COL23A1: variants seen among roughly 807,000 people sequenced by gnomAD.
The protein encoded by COL23A1 is collagen alpha-1(XXIII) chain.
A neutral mutation model predicts 99.3 loss-of-function variants in COL23A1; 97 were observed. The observed-to-expected ratio is 0.98, with a 90% CI of 0.83 to 1.16. The LOEUF (loss-of-function observed/expected upper bound fraction) is 1.16. COL23A1 is among the 50% of genes most tolerant of loss of function. The pLI, the probability that COL23A1 is intolerant of heterozygous loss-of-function variation, is 0.00. For synonymous variants in COL23A1, 320 were observed against 308.2 expected (o/e 1.04, Z -0.40); for missense variants, 762 against 757.4 (o/e 1.01, Z -0.07).
intron 20 of COL23A1, 27 bp downstream of exon 20, chr5:178,248,165 A>AG (rs781554937): frequency 1.4e-6 from 2 of 1,479,260 alleles, no homozygotes; most frequent in South Asian, 2.4e-5. Flanking sequence ...TGTTGGGGGA[A>AG]GCCCTGACCC....
intron 2 of COL23A1, among the ~76,000 whole-genome samples, chr5:178,521,606 T>G (rs917950838): frequency 2.0e-5 from 3 of 150,990 alleles, no homozygotes; most frequent in African/African-American, 7.3e-5. Flanking sequence ...TGAGGTAAAC[T>G]GTGCATCAAT....
intron 2 of COL23A1, among the ~76,000 whole-genome samples, chr5:178,491,662 T>A (rs1339703427): frequency 6.6e-6 from 1 of 152,096 alleles, no homozygotes; most frequent in Non-Finnish European, 1.5e-5. Context: ...AGATTCCACG[T>A]CCCCTCGAAA....
intron 2 of COL23A1, among the ~76,000 whole-genome samples, chr5:178,361,747 C>T (rs917297521): frequency 2.0e-5 from 3 of 152,192 alleles, no homozygotes; most frequent in Admixed American, 6.5e-5. Flanking sequence ...CCTTGGGAAC[C>T]GCAGTCACCT....
At position 178,247,837 on chromosome 5, in the gene COL23A1, G is replaced by T; in HGVS notation, c.1213-6C>A. On this transcript the variant is annotated splice_region_variant and splice_polypyrimidine_tract_variant and intron_variant, in intron 20 of 28. Transcript: ENST00000390654. ...GGCTCCACTATGAGCTGAGCCTAGGGAGGGTGAGAGACAGGTTAGTCACCC... is the reference window on the plus strand; with the variant it reads ...GGCTCCACTATGAGCTGAGCCTAGGTAGGGTGAGAGACAGGTTAGTCACCC... 6.2e-7 allele frequency: 1 copy of T among 1,610,946 alleles called. No individual in the cohort carries two copies. The highest frequency in any genetic ancestry group is 8.5e-7 in the Non-Finnish European group (1 of 1,178,540).
At chr5:178,438,723 A>G (rs559962335) in intron 2 of COL23A1, 1 of 152,342 alleles carries the variant, frequency 6.6e-6, no homozygotes, top group South Asian at 2.1e-4. Context: ...AGGAAAAAAA[A>G]AAGATTTCTG....
At chr5:178,476,286 C>T (rs533052569) in intron 2 of COL23A1, among the ~76,000 whole-genome samples, 6 of 152,144 alleles carry the variant, frequency 3.9e-5, no homozygotes, top group African/African-American at 7.2e-5. Flanking sequence ...CCTTTCCCAG[C>T]GGTATAAGAG....
intron 5 of COL23A1, among the ~76,000 whole-genome samples, chr5:178,279,439 G>A (rs1030062606): frequency 3.3e-5 from 5 of 152,142 alleles, no homozygotes; most frequent in Non-Finnish European, 5.9e-5. Context: ...ACTGCTCCCC[G>A]GGCAGACTGA....
At position 178,263,263 on chromosome 5, in the gene COL23A1, C is replaced by G. The variant is rs199648646; in HGVS notation, c.584G>C (p.Arg195Pro). The G allele has an allele frequency of 1.2e-6, 2 of 1,613,148 alleles. No homozygotes were observed. Among genetic ancestry groups the G allele is most frequent in the South Asian group, 2.2e-5 (2 of 91,018 alleles). The stretch of plus-strand genomic sequence containing the variant: ...TTTCCCAGTGTCGCCAGGAGGGCCC[C>G]GGGCCCCAGGAGGTCCAGGGGGCCC... ...PPGPPGPPGARGPPGDTGKDG... is the reference protein window; with the variant it reads ...PPGPPGPPGAPGPPGDTGKDG... Residue 195 changes from arginine to proline, a missense_variant, in exon 9 of 29, where the codon CGG (arginine) becomes CCG (proline). Physicochemically the swap from Arg to Pro is moderately radical, Grantham distance 103 (BLOSUM62 -2). Transcript: ENST00000390654.
rs374175060 is a variant in COL23A1 at position 178,495,258 on chromosome 5, G to T, written c.361+65424C>A. On this transcript the variant is annotated intron_variant, in intron 2 of 28. Transcript: ENST00000390654. ...GTCAGAGGCACCCTCTGCACAGCCT[G>T]AGATGGGACTAGTGAGGCCATGATG... Among the ~76,000 whole-genome samples, 24 of 152,366 alleles carry T rather than the reference G, an allele frequency of 1.6e-4. 1 individual carries two copies. The highest frequency in any genetic ancestry group is 5.8e-4 in the African/African-American group (24 of 41,592).
intron 2 of COL23A1, among the ~76,000 whole-genome samples, chr5:178,505,447 C>T (rs1758813291): frequency 6.6e-6 from 1 of 152,000 alleles, no homozygotes; most frequent in Non-Finnish European, 1.5e-5. Flanking sequence ...GACGGGGTTT[C>T]ATCATGTTGG....
At chr5:178,407,439 T>G (rs1581328027) in intron 2 of COL23A1, among the ~76,000 whole-genome samples, 1 of 152,134 alleles carries the variant, frequency 6.6e-6, no homozygotes, top group Non-Finnish European at 1.5e-5. Context: ...TAAAAGATCA[T>G]GCATCATACC....
chr5:178,580,432 G>T (rs1006518776), intron 1 of COL23A1, among the ~76,000 whole-genome samples: 3 of 149,368 alleles, frequency 2.0e-5, no homozygotes, highest in Non-Finnish European at 4.4e-5. Context: ...CTAGAAGTAC[G>T]CCGACACGTG....
chr5:178,330,318 C>T (rs1299013636), intron 2 of COL23A1, among the ~76,000 whole-genome samples: 2 of 152,222 alleles, frequency 1.3e-5, no homozygotes, highest in East Asian at 3.9e-4. Flanking sequence ...TTACTCCCTC[C>T]TGACTGGGTC....
intron 25 of COL23A1, among the ~76,000 whole-genome samples, chr5:178,245,672 C>T (rs1397357947): frequency 4.6e-5 from 7 of 152,086 alleles, no homozygotes; most frequent in Non-Finnish European, 1.0e-4. Flanking sequence ...ATCCATCCAT[C>T]GATTCATCCT....
chr5:178,303,896 G>C (rs1758202519), intron 3 of COL23A1, among the ~76,000 whole-genome samples: 2 of 152,256 alleles, frequency 1.3e-5, no homozygotes, highest in South Asian at 4.1e-4. Context: ...GTCCAGGGCT[G>C]CGAGAGAAGG....
intron 2 of COL23A1, among the ~76,000 whole-genome samples, chr5:178,512,115 C>A (rs1181776503): frequency 2.0e-5 from 3 of 152,166 alleles, no homozygotes; most frequent in African/African-American, 7.2e-5. Flanking sequence ...ATGAACATGG[C>A]TCTTCACTAT....
intron 2 of COL23A1, among the ~76,000 whole-genome samples, chr5:178,427,397 C>G (rs1366398081): frequency 3.3e-5 from 5 of 152,212 alleles, no homozygotes; most frequent in Admixed American, 3.3e-4. Context: ...TTGCCATATG[C>G]TCCAGCTATC....
intron 2 of COL23A1, among the ~76,000 whole-genome samples, chr5:178,476,410 G>C (rs1757029009): frequency 6.6e-6 from 1 of 152,216 alleles, no homozygotes; most frequent in African/African-American, 2.4e-5. Flanking sequence ...ATCTGGATTT[G>C]TGTGCCTCTT....
At chr5:178,390,668 G>A (rs1016758091) in intron 2 of COL23A1, among the ~76,000 whole-genome samples, 3 of 152,230 alleles carry the variant, frequency 2.0e-5, no homozygotes, top group African/African-American at 7.2e-5. Flanking sequence ...AGGGTGCCAA[G>A]ACCATTCCAT....
Sources: allele counts gnomAD v4.1 joint callset (sites outside exome capture counted in the v4.1 genomes callset), GRCh38; gene constraint gnomAD v4.1.1; transcripts MANE v1.5; gene names NCBI Gene and HGNC (gene_info 2026-07-23, HGNC 2026-07-21).